The following ITPK1 variants were observed in gnomAD, a reference collection of about 807,000 sequenced individuals.
ITPK1 encodes the protein inositol 1,3,4-trisphosphate 5/6-kinase.
A neutral mutation model predicts 45.3 loss-of-function variants in ITPK1; 21 were observed. The observed-to-expected ratio is 0.46, with a 90% confidence interval of 0.33 to 0.67. ITPK1 has a LOEUF of 0.67. Ranked by LOEUF, ITPK1 falls within the 30% of genes least tolerant of loss-of-function variation. The probability of loss-of-function intolerance (pLI) is 0.02; values close to 1 mark genes in which losing one functional copy is unlikely to be tolerated. For missense variants in ITPK1, 474 were observed against 573.5 expected (o/e 0.83, Z 1.77); for synonymous variants, 258 against 253.6 (o/e 1.02, Z -0.16).
intron 5 of ITPK1, among the ~76,000 whole-genome samples, chr14:92,985,346 T>C (rs1409124318): frequency 1.3e-5 from 2 of 152,124 alleles, no homozygotes; most frequent in Non-Finnish European, 2.9e-5. Context: ...GTGAACTTCC[T>C]GGTTTAGATA....
intron 3 of ITPK1, among the ~76,000 whole-genome samples, chr14:93,049,388 A>G (rs1889912756): frequency 6.6e-6 from 1 of 152,160 alleles, no homozygotes; most frequent in South Asian, 2.1e-4. Context: ...TGCTTCTGCC[A>G]GCAAGTGACA....
At position 92,951,814 on chromosome 14, in the gene ITPK1, G is replaced by A. The variant is rs958376992; in HGVS notation, c.738+132C>T. 2.0e-5 allele frequency: 14 copies of A among 692,586 alleles called. No individual in the cohort carries two copies. In the African/African-American group the frequency reaches 2.3e-4, roughly 11 times the overall value. The allele number at this position is 692,586 out of a possible 1,614,324, so 42.9% of individuals were successfully genotyped here. On this transcript the variant is annotated intron_variant, in intron 9 of 10. Coordinates refer to ENST00000267615, the MANE Select transcript of ITPK1 (RefSeq NM_014216.6). ...GCTCTGGAACCTCCTGGGGCCTGTG[G>A]CATGGAGGCAAACGTCCTTCCCACC...
At chr14:92,957,454 G>A (rs1378658301) in intron 8 of ITPK1, among the ~76,000 whole-genome samples, 3 of 152,226 alleles carry the variant, frequency 2.0e-5, no homozygotes, top group African/African-American at 4.8e-5. Flanking sequence ...CTCAGTGTCC[G>A]TTTTTAAAAT....
In ITPK1 at chr14:93,032,416, C is replaced by A. The variant is rs1889114583; in HGVS notation, c.121-15615G>T. On this transcript the variant is annotated intron_variant, in intron 3 of 10. Coordinates refer to ENST00000267615, the MANE Select transcript of ITPK1 (RefSeq NM_014216.6). The surrounding 1 kb of genome is among the most constrained non-coding windows in gnomAD (Gnocchi z 4.0). The stretch of plus-strand genomic sequence containing the variant: ...AAACATCACATGAAAAGGGGAAGTT[C>A]AGTACTCAAAATCATTTGCAAAGAC... Among the ~76,000 whole-genome samples the A allele has an allele frequency of 1.3e-5, 2 of 152,104 alleles. No homozygotes were observed. Among genetic ancestry groups the A allele is most frequent in the South Asian group, 4.1e-4 (2 of 4,828 alleles).
chr14:92,974,083 C>G (rs1885802316), intron 5 of ITPK1, among the ~76,000 whole-genome samples: 2 of 152,190 alleles, frequency 1.3e-5, no homozygotes, highest in Non-Finnish European at 2.9e-5. Context: ...CTGCCCTTGC[C>G]CTGTGCCTCC....
At chr14:93,011,368 C>T (rs574099036) in intron 4 of ITPK1, among the ~76,000 whole-genome samples, 1 of 152,310 alleles carries the variant, frequency 6.6e-6, no homozygotes, top group African/African-American at 2.4e-5. Flanking sequence ...AACATCACCC[C>T]CTCCCACCAG....
At chr14:93,113,234 C>T (rs1341580902) in intron 2 of ITPK1, among the ~76,000 whole-genome samples, 1 of 152,164 alleles carries the variant, frequency 6.6e-6, no homozygotes, top group Non-Finnish European at 1.5e-5. Flanking sequence ...ATGCTCTACT[C>T]CCCAGAACGT....
In ITPK1 at chr14:93,115,184, C is replaced by G; in HGVS notation, c.-21G>C. 1 of 1,570,168 alleles carries G rather than the reference C, an allele frequency of 6.4e-7. No individual in the cohort carries two copies. The highest frequency in any genetic ancestry group is 8.7e-7 in the Non-Finnish European group (1 of 1,147,810). On this transcript the variant is annotated 5_prime_UTR_variant, in exon 2 of 11. Coordinates refer to ENST00000267615, the MANE Select transcript of ITPK1 (RefSeq NM_014216.6). ...TGCATCTTCCTCCTCGGGCGGGGAGCCTGGGTCCGGAGGAAATCGCCCACA... is the reference window on the plus strand; with the variant it reads ...TGCATCTTCCTCCTCGGGCGGGGAGGCTGGGTCCGGAGGAAATCGCCCACA...
intron 2 of ITPK1, among the ~76,000 whole-genome samples, chr14:93,091,486 G>A (rs755003374): frequency 2.6e-5 from 4 of 152,200 alleles, no homozygotes; most frequent in Non-Finnish European, 5.9e-5. Context: ...TTAATCTTCA[G>A]GGCCTTTGAT....
At chr14:92,943,213 G>T (rs1341603376) in intron 10 of ITPK1, among the ~76,000 whole-genome samples, 1 of 152,224 alleles carries the variant, frequency 6.6e-6, no homozygotes, top group East Asian at 1.9e-4. Context: ...AGATGAGGAG[G>T]CATGACCGTT....
At chr14:93,006,307 T>A (rs1444777973) in intron 4 of ITPK1, among the ~76,000 whole-genome samples, 7 of 151,812 alleles carry the variant, frequency 4.6e-5, no homozygotes, top group Admixed American at 1.3e-4. Context: ...CAACAACCCA[T>A]CCCCTCCCTG....
At chr14:93,013,776 A>G (rs889325509) in intron 4 of ITPK1, among the ~76,000 whole-genome samples, 1 of 152,210 alleles carries the variant, frequency 6.6e-6, no homozygotes, top group Non-Finnish European at 1.5e-5. Context: ...TCTAGAGAAT[A>G]AAATTTAAAA....
chr14:92,994,118 G>T (rs1318771581), intron 4 of ITPK1, 121 bp from the exon 5 acceptor site: 4 of 677,314 alleles, frequency 5.9e-6, no homozygotes, highest in South Asian at 1.7e-5. Flanking sequence ...CTTTGGTGGA[G>T]GGTGGTGCAT....
At chr14:93,051,056 TG>T (rs1566756794) in intron 3 of ITPK1, among the ~76,000 whole-genome samples, 2 of 152,124 alleles carry the variant, frequency 1.3e-5, no homozygotes. Context: ...CCGGCCTGCC[TG>T]GGCACTCAGA....
chr14:93,107,266 A>T (rs1476398087), intron 2 of ITPK1, among the ~76,000 whole-genome samples: 1 of 152,092 alleles, frequency 6.6e-6, no homozygotes, highest in East Asian at 1.9e-4. Context: ...CCACTAACAG[A>T]TTCTTTTTTG....
intron 3 of ITPK1, among the ~76,000 whole-genome samples, chr14:93,057,288 C>A (rs777544417): frequency 6.6e-6 from 1 of 152,178 alleles, no homozygotes; most frequent in Non-Finnish European, 1.5e-5. Flanking sequence ...TGCACCCAGG[C>A]GAGGTCCAAC....
chr14:92,959,487 G>A (rs1205905212), intron 7 of ITPK1, among the ~76,000 whole-genome samples: 1 of 152,210 alleles, frequency 6.6e-6, no homozygotes, highest in Admixed American at 6.5e-5. Flanking sequence ...TGTCTGTGCT[G>A]GGGGCGTTGG....
intron 2 of ITPK1, among the ~76,000 whole-genome samples, chr14:93,111,643 G>A (rs34143774): frequency 0.047 from 7,179 of 151,416 alleles, 225 homozygotes; most frequent in Middle Eastern, 0.071. Flanking sequence ...CCTGGGAGGC[G>A]GAGGTTGCAG....
chr14:93,023,845 C>T (rs150048578), intron 3 of ITPK1, among the ~76,000 whole-genome samples: 14 of 152,284 alleles, frequency 9.2e-5, no homozygotes, highest in African/African-American at 3.4e-4. Context: ...TAGGAAAGCT[C>T]ACCCCTAGCA....
Sources: gnomAD v4.1 joint callset for allele counts (sites outside exome capture counted in the v4.1 genomes callset) on GRCh38, gnomAD v4.1.1 for gene constraint, Gnocchi (gnomAD v3.1) non-coding constraint, MANE v1.5 for transcripts, NCBI Gene and HGNC (gene_info 2026-07-23, HGNC 2026-07-21) for gene names.